Variants in GOLGA4 observed in about 807,000 individuals in gnomAD.
The protein encoded by GOLGA4 is golgin A4.
In GOLGA4, 169 loss-of-function variants were observed where a neutral mutation model predicts 265.9. That is an observed-to-expected ratio of 0.64 (90% confidence interval 0.56 to 0.72). GOLGA4 has a LOEUF of 0.72. GOLGA4 is among the 30% of genes least tolerant of loss of function. The pLI is 0.00. For synonymous variants in GOLGA4, 923 were observed against 855.8 expected (o/e 1.08, Z -1.37); for missense variants, 2,482 against 2,483.4 (o/e 1.00, Z 0.01).
chr3:37,251,861 T>G (rs1189401101), intron 2 of GOLGA4, among the ~76,000 whole-genome samples: 1 of 152,166 alleles, frequency 6.6e-6, no homozygotes, highest in Non-Finnish European at 1.5e-5. Context: ...CGTTTAAATT[T>G]TTCGTAGACG....
At chr3:37,350,851 A>G (rs1393495372) in intron 21 of GOLGA4, among the ~76,000 whole-genome samples, 1 of 152,162 alleles carries the variant, frequency 6.6e-6, no homozygotes, top group Non-Finnish European at 1.5e-5. Flanking sequence ...TTGCTAAAAA[A>G]AAATGCTAAC....
intron 2 of GOLGA4, among the ~76,000 whole-genome samples, chr3:37,273,236 T>C (rs758636565): frequency 5.3e-5 from 8 of 152,276 alleles, no homozygotes; most frequent in Non-Finnish European, 1.0e-4. Context: ...ATTTTTGTTA[T>C]GGGGGAAAAA....
chr3:37,313,780 A>G lies in GOLGA4; in HGVS notation c.1235-1640A>G, dbSNP rs2096929460. Among the ~76,000 whole-genome samples, 4 of 152,160 alleles carry G rather than the reference A, an allele frequency of 2.6e-5. No individual in the cohort carries two copies. In the South Asian group the frequency reaches 8.3e-4, roughly 32 times the overall value. On this transcript the variant is annotated intron_variant, in intron 10 of 23. Coordinates refer to ENST00000361924, the MANE Select transcript of GOLGA4 (RefSeq NM_002078.5). ...ACTTATGATGGGGTTAGAATTTGAT[A>G]AATTCATTGTAAGTTGAAAATACCA...
intron 2 of GOLGA4, among the ~76,000 whole-genome samples, chr3:37,265,671 A>G (rs62244335): frequency 0.3 from 45,773 of 152,046 alleles, 7,803 homozygotes; most frequent in Non-Finnish European, 0.39. Context: ...AGACATATCT[A>G]TTACCTCCCA....
intron 22 of GOLGA4, among the ~76,000 whole-genome samples, chr3:37,358,809 C>A (rs1420546408): frequency 6.6e-6 from 1 of 152,112 alleles, no homozygotes; most frequent in Non-Finnish European, 1.5e-5. Flanking sequence ...ACAAAATGCC[C>A]CCATCTCCAA....
chr3:37,350,413 G>A (rs1468792785), intron 21 of GOLGA4, among the ~76,000 whole-genome samples: 2 of 152,086 alleles, frequency 1.3e-5, no homozygotes, highest in African/African-American at 2.4e-5. Context: ...GCATGTATAT[G>A]TTGTTTCTTA....
chr3:37,250,798 A>T (rs2096731696), intron 1 of GOLGA4, among the ~76,000 whole-genome samples: 4 of 152,082 alleles, frequency 2.6e-5, no homozygotes, highest in Non-Finnish European at 5.9e-5. Context: ...GCTGAGGGTT[A>T]TAGGAGTCAG....
At chr3:37,303,788 C>T (rs1350597613) in intron 10 of GOLGA4, among the ~76,000 whole-genome samples, 1 of 152,184 alleles carries the variant, frequency 6.6e-6, no homozygotes, top group Admixed American at 6.5e-5. Flanking sequence ...CTTGTTGCTG[C>T]TACTACTACT....
rs1201220308 is a variant in GOLGA4 at position 37,361,246 on chromosome 3, A to T, written c.6667A>T (p.Thr2223Ser). ...LEREDARLMF[T>S]SPRSGIF Reference sequence around the variant, plus strand: ...TTTTTTCTTCCTGGCTTTGTAGTTTACTTCACCTCGCAGTGGTATCTTCTG... The same window carrying T: ...TTTTTTCTTCCTGGCTTTGTAGTTTTCTTCACCTCGCAGTGGTATCTTCTG... The change falls in exon 23 of 24, where the codon ACT becomes TCT. Residue 2223 changes from threonine (T) to serine (S), a missense_variant. By Grantham distance (58) the Thr-to-Ser change is moderately conservative (BLOSUM62 1). Transcript: ENST00000361924. 2 of 1,612,042 alleles carry T rather than the reference A, an allele frequency of 1.2e-6. No homozygotes were observed. Among genetic ancestry groups the T allele is most frequent in the South Asian group, 2.2e-5 (2 of 91,020 alleles).
intron 21 of GOLGA4, 35 bp downstream of exon 21, chr3:37,347,331 T>A: frequency 8.4e-7 from 1 of 1,193,364 alleles, no homozygotes; most frequent in South Asian, 1.2e-5. Flanking sequence ...GTGTGTGGCT[T>A]AATTTTAAAA....
rs1017915436 is a variant in GOLGA4 at position 37,325,418 on chromosome 3, T to C, written c.3532T>C (p.Leu1178=). 4 of 1,610,840 alleles carry C rather than the reference T, an allele frequency of 2.5e-6. No homozygotes were observed. Among genetic ancestry groups the C allele is most frequent in the Admixed American group, 1.7e-5 (1 of 59,390 alleles). ...GAAGGTTTCTGAGTTGACTAGCAAG[T>C]TGAAAACCACAGATGAAGAATTCCA... ...KRKVSELTSK[L]KTTDEEFQSL... Residue 1178 remains leucine (L), a synonymous_variant, in exon 14 of 24, where the codon TTG becomes CTG. Coordinates refer to ENST00000361924, the MANE Select transcript of GOLGA4 (RefSeq NM_002078.5).
At chr3:37,354,107 A>G (rs186340058) in intron 21 of GOLGA4, among the ~76,000 whole-genome samples, 66 of 152,216 alleles carry the variant, frequency 4.3e-4, no homozygotes, top group Non-Finnish European at 1.8e-4. Context: ...CTTCCTGGAA[A>G]TAATTGTGAT....
intron 10 of GOLGA4, among the ~76,000 whole-genome samples, chr3:37,306,501 CTGTGTGTGTGTGTG>C (rs35641880): frequency 3.2e-4 from 45 of 140,216 alleles, no homozygotes; most frequent in Admixed American, 6.5e-4. Flanking sequence ...TGGCTGTTCT[CTGTGTGTGTGTGTG>C]TGTGTGTGTG....
chr3:37,355,966 C>T (rs1040537132), intron 22 of GOLGA4, among the ~76,000 whole-genome samples: 3 of 152,092 alleles, frequency 2.0e-5, no homozygotes, highest in Non-Finnish European at 4.4e-5. Context: ...TTCTCTCTCT[C>T]CTCACTAAAG....
intron 2 of GOLGA4, chr3:37,273,486 C>A: frequency 1.0e-6 from 1 of 981,888 alleles, no homozygotes; most frequent in Non-Finnish European, 1.6e-6. Flanking sequence ...CAGTTTTAAA[C>A]CTTTAGTTTT....
At chr3:37,260,323 A>G (rs1311324921) in intron 2 of GOLGA4, among the ~76,000 whole-genome samples, 2 of 152,116 alleles carry the variant, frequency 1.3e-5, no homozygotes, top group Non-Finnish European at 2.9e-5. Context: ...ATCTGGGAAG[A>G]TAGAAACAGG....
At chr3:37,255,777 G>A (rs934604625) in intron 2 of GOLGA4, among the ~76,000 whole-genome samples, 2 of 150,400 alleles carry the variant, frequency 1.3e-5, no homozygotes, top group Non-Finnish European at 3.0e-5. Flanking sequence ...TTTTGAGACA[G>A]GGTCTCACTC....
chr3:37,251,623 G>T, intron 2 of GOLGA4, 139 bp downstream of exon 2: 94 of 484,420 alleles, frequency 1.9e-4, no homozygotes, highest in South Asian at 8.6e-4. Flanking sequence ...AACACAATTG[G>T]TCTTTTTTTT....
chr3:37,288,683 T>C (rs957758022), intron 4 of GOLGA4, among the ~76,000 whole-genome samples: 10 of 151,430 alleles, frequency 6.6e-5, no homozygotes, highest in African/African-American at 2.4e-4. Flanking sequence ...TTTCACCATA[T>C]TAGCCAGGAT....
Sources: allele counts gnomAD v4.1 joint callset (sites outside exome capture counted in the v4.1 genomes callset), GRCh38; gene constraint gnomAD v4.1.1; transcripts MANE v1.5; gene names NCBI Gene and HGNC (gene_info 2026-07-23, HGNC 2026-07-21).